The following DLG2 variants were observed in gnomAD, a reference collection of about 807,000 sequenced individuals.
The protein encoded by DLG2 is disks large homolog 2.
DLG2 carries 45 observed loss-of-function variants against 132.5 expected under a neutral mutation model. That is an observed-to-expected ratio of 0.34 (90% confidence interval 0.27 to 0.44). The LOEUF is 0.44. Among genes scored for constraint, DLG2 ranks in the 20% least tolerant of loss-of-function variants. The probability of loss-of-function intolerance (pLI) is 1.00; values close to 1 mark genes in which losing one functional copy is unlikely to be tolerated. For synonymous variants in DLG2, 424 were observed against 419.6 expected, an observed-to-expected ratio of 1.01 and a Z score of -0.13; for missense variants, 1,045 against 1,196.9, an observed-to-expected ratio of 0.87 and a Z score of 1.87.
intron 7 of DLG2, among the ~76,000 whole-genome samples, chr11:84,445,080 G>A (rs2099029523): frequency 6.6e-6 from 1 of 152,124 alleles, no homozygotes; most frequent in Non-Finnish European, 1.5e-5. Flanking sequence ...CCAAAGTACT[G>A]GGATTACAGG....
At chr11:85,425,909 G>A (rs1394749552) in intron 3 of DLG2, among the ~76,000 whole-genome samples, 1 of 152,168 alleles carries the variant, frequency 6.6e-6, no homozygotes, top group Non-Finnish European at 1.5e-5. Context: ...AGTGACAGAT[G>A]GCACCTGGAA....
At chr11:84,882,512 G>A (rs17147704) in intron 6 of DLG2, among the ~76,000 whole-genome samples, 12,211 of 152,044 alleles carry the variant, frequency 0.08, 1,051 homozygotes, top group African/African-American at 0.21. Context: ...AAATGTAGTA[G>A]GAAGAATCAG....
chr11:83,611,796 G>T (rs2060151491), intron 19 of DLG2, among the ~76,000 whole-genome samples: 1 of 152,194 alleles, frequency 6.6e-6, no homozygotes, highest in Non-Finnish European at 1.5e-5. Flanking sequence ...GGGAACAGGG[G>T]ACACTGAGGG....
chr11:84,850,105 G>A (rs1278595234), intron 6 of DLG2, among the ~76,000 whole-genome samples: 1 of 151,918 alleles, frequency 6.6e-6, no homozygotes, highest in African/African-American at 2.4e-5. Context: ...ATGCCCCTTG[G>A]TCTTGGGCAA....
chr11:83,541,977 C>T (rs1045637375), intron 19 of DLG2, 119 bp from the exon 20 acceptor site: 86 of 905,296 alleles, frequency 9.5e-5, no homozygotes, highest in East Asian at 5.6e-4. Context: ...TATCAACTCC[C>T]GGAATGATTC....
At chr11:85,529,849 G>T (rs1176863820) in intron 3 of DLG2, among the ~76,000 whole-genome samples, 2 of 152,136 alleles carry the variant, frequency 1.3e-5, no homozygotes, top group Admixed American at 6.6e-5. Flanking sequence ...AGATGAGTTT[G>T]TCTTTATCTA....
At chr11:85,211,079 T>C (rs1272711445) in intron 4 of DLG2, among the ~76,000 whole-genome samples, 3 of 152,192 alleles carry the variant, frequency 2.0e-5, no homozygotes, top group African/African-American at 7.2e-5. Context: ...TGCTCATCTC[T>C]ACCTCATGAA....
At chr11:84,273,610 C>T (rs139055796) in intron 7 of DLG2, among the ~76,000 whole-genome samples, 3 of 151,982 alleles carry the variant, frequency 2.0e-5, no homozygotes, top group Non-Finnish European at 2.9e-5. Context: ...AAAAAATATT[C>T]CTACCAGAAG....
intron 6 of DLG2, among the ~76,000 whole-genome samples, chr11:84,865,162 G>A (rs2084359606): frequency 6.6e-6 from 1 of 152,096 alleles, no homozygotes; most frequent in Admixed American, 6.5e-5. Context: ...CCCAAACAGA[G>A]ATGATGGCCA....
chr11:83,878,467 C>T (rs1176214223), intron 15 of DLG2, among the ~76,000 whole-genome samples: 1 of 152,154 alleles, frequency 6.6e-6, no homozygotes, highest in Non-Finnish European at 1.5e-5. Context: ...GAAATCAAAG[C>T]TCTGTGACTG....
At chr11:85,163,576 G>A (rs1043798524) in intron 4 of DLG2, among the ~76,000 whole-genome samples, 4 of 152,138 alleles carry the variant, frequency 2.6e-5, no homozygotes, top group Admixed American at 1.3e-4. Context: ...ATAGAAAATA[G>A]TGTGGGCTTG....
intron 11 of DLG2, among the ~76,000 whole-genome samples, chr11:84,039,430 T>A (rs905748588): frequency 1.6e-5 from 2 of 128,066 alleles, no homozygotes; most frequent in African/African-American, 5.9e-5. Context: ...CCATGTGATC[T>A]CATTGTTCAA....
At chr11:84,819,915 G>A (rs1284279283) in intron 6 of DLG2, among the ~76,000 whole-genome samples, 1 of 151,558 alleles carries the variant, frequency 6.6e-6, no homozygotes, top group Non-Finnish European at 1.5e-5. Context: ...CTGGAGACCT[G>A]TCTGGGTAAG....
chr11:83,749,360 G>C (rs540368654), intron 18 of DLG2, among the ~76,000 whole-genome samples: 1 of 152,224 alleles, frequency 6.6e-6, no homozygotes, highest in East Asian at 1.9e-4. Context: ...CAGGATACAG[G>C]GGTCATTTCT....
chr11:84,741,434 G>T (rs2064655402), intron 6 of DLG2, among the ~76,000 whole-genome samples: 1 of 151,976 alleles, frequency 6.6e-6, no homozygotes, highest in African/African-American at 2.4e-5. Flanking sequence ...CCTACTGTGT[G>T]TATACACGTA....
At chr11:85,556,435 A>G (rs1443296928) in intron 3 of DLG2, among the ~76,000 whole-genome samples, 1 of 151,890 alleles carries the variant, frequency 6.6e-6, no homozygotes, top group Non-Finnish European at 1.5e-5. Flanking sequence ...GACATACCCA[A>G]GCCTATCATA....
chr11:83,689,418 C>T (rs1229025677), intron 18 of DLG2, among the ~76,000 whole-genome samples: 1 of 152,066 alleles, frequency 6.6e-6, no homozygotes, highest in African/African-American at 2.4e-5. Flanking sequence ...ATACCAGAGA[C>T]TAATCATCTT....
At chr11:83,627,927 C>T (rs1591253095) in intron 19 of DLG2, among the ~76,000 whole-genome samples, 1 of 152,226 alleles carries the variant, frequency 6.6e-6, no homozygotes, top group South Asian at 2.1e-4. Context: ...GAGATGGTAT[C>T]TTATTGTGGT....
intron 6 of DLG2, among the ~76,000 whole-genome samples, chr11:84,876,604 T>C (rs1255680882): frequency 6.6e-6 from 1 of 152,190 alleles, no homozygotes; most frequent in African/African-American, 2.4e-5. Flanking sequence ...TAGCTGTCTA[T>C]TTGTTTTGTT....
Sources: allele counts gnomAD v4.1 joint callset (sites outside exome capture counted in the v4.1 genomes callset), GRCh38; gene constraint gnomAD v4.1.1; transcripts MANE v1.5; gene names NCBI Gene and HGNC (gene_info 2026-07-23, HGNC 2026-07-21).